The following HCN1 variants were observed in gnomAD, a reference collection of about 807,000 sequenced individuals.
The protein encoded by HCN1 is potassium/sodium hyperpolarization-activated cyclic nucleotide-gated channel 1.
A neutral mutation model predicts 78.9 loss-of-function variants in HCN1; 13 were observed. The observed-to-expected ratio is 0.16, with a 90% CI of 0.11 to 0.26. The LOEUF is 0.26. Ranked by LOEUF, HCN1 falls within the 10% of genes least tolerant of loss-of-function variation. The probability of loss-of-function intolerance (pLI) is 1.00; values close to 1 mark genes in which losing one functional copy is unlikely to be tolerated. For missense variants in HCN1, 810 were observed against 1,154.3 expected, an observed-to-expected ratio of 0.70 and a Z score of 4.32; for synonymous variants, 552 against 455.5, an observed-to-expected ratio of 1.21 and a Z score of -2.70.
At chr5:45,670,279 G>T (rs550551075) in intron 1 of HCN1, among the ~76,000 whole-genome samples, 1 of 151,738 alleles carries the variant, frequency 6.6e-6, no homozygotes, top group East Asian at 1.9e-4. Flanking sequence ...ACGCTTTACT[G>T]GAGCTTTTCA....
chr5:45,317,825 C>G (rs1746029626), intron 5 of HCN1, among the ~76,000 whole-genome samples: 1 of 152,176 alleles, frequency 6.6e-6, no homozygotes, highest in Non-Finnish European at 1.5e-5. Context: ...TGCTCATCAT[C>G]ACTGGCCATC....
chr5:45,493,314 C>T lies in HCN1; in HGVS notation c.850-31307G>A, dbSNP rs866943946. Among the ~76,000 whole-genome samples, 31 of 151,686 alleles carry T rather than the reference C, an allele frequency of 2.0e-4. 1 individual carries two copies. The South Asian group carries it at 2.3e-3, about 11-fold the overall frequency. ...CACCAAGAATAAAGAAATAATGAGG[C>T]GTCACGATCATCTGAAAACTTATCT... On this transcript the variant is annotated intron_variant, in intron 2 of 7. Transcript: ENST00000303230.
chr5:45,596,763 T>A (rs1279796140), intron 2 of HCN1, among the ~76,000 whole-genome samples: 1 of 152,188 alleles, frequency 6.6e-6, no homozygotes, highest in Non-Finnish European at 1.5e-5. Flanking sequence ...AAACAGTCCA[T>A]AATTTACATC....
Position 45,606,806 on chromosome 5 carries a change from G to T in HCN1, c.849+38379C>A, listed in dbSNP as rs1458862338. Among the ~76,000 whole-genome samples the T allele has an allele frequency of 2.0e-5, 3 of 152,072 alleles. 1 individual carries two copies. The South Asian group carries it at 6.2e-4, about 32-fold the overall frequency. On this transcript the variant is annotated intron_variant, in intron 2 of 7. Coordinates refer to ENST00000303230, the MANE Select transcript of HCN1 (RefSeq NM_021072.4). The stretch of plus-strand genomic sequence containing the variant: ...ATCACGAATGAATCTAAATATGCAT[G>T]TAAAGTTAAGGAGGATAAACTAAAT...
intron 4 of HCN1, among the ~76,000 whole-genome samples, chr5:45,372,468 AT>A (rs1561128471): frequency 7.9e-6 from 1 of 126,362 alleles, no homozygotes; most frequent in African/African-American, 2.9e-5. Flanking sequence ...ACATTTACAT[AT>A]AAAAATATAT....
intron 1 of HCN1, among the ~76,000 whole-genome samples, chr5:45,675,065 A>G (rs901468967): frequency 1.3e-5 from 2 of 151,788 alleles, no homozygotes; most frequent in African/African-American, 4.8e-5. Context: ...ATGGTTTCCC[A>G]GAAAATATGA....
intron 6 of HCN1, among the ~76,000 whole-genome samples, chr5:45,288,718 T>A (rs1473398981): frequency 2.0e-5 from 3 of 152,078 alleles, no homozygotes; most frequent in South Asian, 2.1e-4. Flanking sequence ...TCCCTAGACA[T>A]AACTTGTAAG....
intron 1 of HCN1, among the ~76,000 whole-genome samples, chr5:45,676,193 A>C (rs1263155627): frequency 2.0e-5 from 3 of 151,786 alleles, no homozygotes; most frequent in Non-Finnish European, 4.4e-5. Flanking sequence ...TTTGTCACTT[A>C]AGCTTTTCCA....
At chr5:45,351,763 A>C (rs1056408075) in intron 5 of HCN1, among the ~76,000 whole-genome samples, 2 of 150,078 alleles carry the variant, frequency 1.3e-5, no homozygotes, top group African/African-American at 5.0e-5. Context: ...GCAGCCAAAA[A>C]ACACATGAAA....
chr5:45,427,590 C>G (rs1012016493), intron 3 of HCN1, among the ~76,000 whole-genome samples: 11 of 151,970 alleles, frequency 7.2e-5, no homozygotes, highest in African/African-American at 2.2e-4. Context: ...TGACCAAAAT[C>G]TAGATTTTTG....
At chr5:45,434,096 T>C (rs932382291) in intron 3 of HCN1, among the ~76,000 whole-genome samples, 2 of 152,210 alleles carry the variant, frequency 1.3e-5, no homozygotes, top group African/African-American at 4.8e-5. Flanking sequence ...GGTGATTTAA[T>C]AGCTCAAAGA....
chr5:45,628,321 C>G (rs943847116), intron 2 of HCN1, among the ~76,000 whole-genome samples: 2 of 152,134 alleles, frequency 1.3e-5, no homozygotes, highest in African/African-American at 4.8e-5. Flanking sequence ...ATAATGCAGG[C>G]CCTGGCCCTG....
intron 6 of HCN1, among the ~76,000 whole-genome samples, chr5:45,278,792 AT>A (rs2111864717): frequency 6.6e-6 from 1 of 152,208 alleles, no homozygotes; most frequent in African/African-American, 2.4e-5. Flanking sequence ...AATGAGTTAA[AT>A]TTGGAAAAGA....
intron 2 of HCN1, among the ~76,000 whole-genome samples, chr5:45,625,780 T>TA (rs1212316962): frequency 6.6e-6 from 1 of 151,698 alleles, no homozygotes; most frequent in African/African-American, 2.4e-5. Flanking sequence ...GGGTACTTAG[T>TA]AAAATGTATT....
chr5:45,386,817 ACT>A (rs1362210942), intron 4 of HCN1, among the ~76,000 whole-genome samples: 1 of 152,030 alleles, frequency 6.6e-6, no homozygotes, highest in Non-Finnish European at 1.5e-5. Context: ...ACTTAATAAC[ACT>A]CTCATGCTAA....
At chr5:45,630,742 T>C (rs553997378) in intron 2 of HCN1, among the ~76,000 whole-genome samples, 1 of 152,296 alleles carries the variant, frequency 6.6e-6, no homozygotes, top group Non-Finnish European at 1.5e-5. Context: ...ATAAGTCTTA[T>C]TTCAGGTATC....
chr5:45,627,054 C>A (rs967740415), intron 2 of HCN1, among the ~76,000 whole-genome samples: 2 of 151,858 alleles, frequency 1.3e-5, no homozygotes, highest in African/African-American at 4.8e-5. Flanking sequence ...CATTTTCCTG[C>A]ACTTCTGTTC....
intron 2 of HCN1, among the ~76,000 whole-genome samples, chr5:45,545,683 A>G (rs1412331222): frequency 6.6e-6 from 1 of 152,152 alleles, no homozygotes; most frequent in East Asian, 1.9e-4. Context: ...CAGTTTTCCC[A>G]GCACCATTTA....
intron 3 of HCN1, among the ~76,000 whole-genome samples, chr5:45,421,723 A>C (rs1416406131): frequency 1.3e-5 from 2 of 152,222 alleles, no homozygotes; most frequent in African/African-American, 4.8e-5. Flanking sequence ...AATAAAATAC[A>C]ATGGACTGAT....
Sources: allele counts gnomAD v4.1 joint callset (sites outside exome capture counted in the v4.1 genomes callset), GRCh38; gene constraint gnomAD v4.1.1; transcripts MANE v1.5; gene names NCBI Gene and HGNC (gene_info 2026-07-23, HGNC 2026-07-21).